CDK14: variants seen among roughly 807,000 people sequenced by gnomAD.
CDK14 encodes cyclin dependent kinase 14, also known as cyclin-dependent kinase 14.
Under a neutral mutation model 60.7 loss-of-function variants are expected in CDK14, and 34 were observed. That is an observed-to-expected ratio of 0.56 (90% CI 0.43 to 0.75). The LOEUF (loss-of-function observed/expected upper bound fraction) is 0.75, where lower values mean the gene tolerates loss of function less well. Among genes scored for constraint, CDK14 ranks in the 30% least tolerant of loss-of-function variants. The pLI, the probability that CDK14 is intolerant of heterozygous loss-of-function variation, is 0.00. For synonymous variants in CDK14, 197 were observed against 203.7 expected (o/e 0.97, Z 0.28); for missense variants, 482 against 564.1 (o/e 0.85, Z 1.47).
chr7:90,902,103 A>G (rs1792526359), intron 7 of CDK14, among the ~76,000 whole-genome samples: 1 of 152,118 alleles, frequency 6.6e-6, no homozygotes, highest in Non-Finnish European at 1.5e-5. Flanking sequence ...GAAATTGAAG[A>G]GATACAAATG....
chr7:91,068,005 T>C (rs1042374411), intron 11 of CDK14, among the ~76,000 whole-genome samples: 1 of 152,218 alleles, frequency 6.6e-6, no homozygotes, highest in Non-Finnish European at 1.5e-5. Flanking sequence ...TTTGACTTAA[T>C]TAATTTTTAA....
At chr7:90,818,252 A>T (rs777057651) in intron 5 of CDK14, among the ~76,000 whole-genome samples, 36 of 152,228 alleles carry the variant, frequency 2.4e-4, no homozygotes, top group Non-Finnish European at 4.7e-4. Context: ...GTCCTGGAAA[A>T]ATGGATTAAC....
intron 2 of CDK14, among the ~76,000 whole-genome samples, chr7:90,629,962 G>A (rs763943928): frequency 6.6e-6 from 1 of 152,056 alleles, no homozygotes; most frequent in Non-Finnish European, 1.5e-5. Context: ...GGGAGGCAGA[G>A]GTTGCAGTGA....
chr7:90,800,833 T>C (rs1197408335), intron 5 of CDK14, among the ~76,000 whole-genome samples: 1 of 152,218 alleles, frequency 6.6e-6, no homozygotes, highest in Non-Finnish European at 1.5e-5. Context: ...TTAGAGGCTA[T>C]AGGGAAGAAA....
intron 8 of CDK14, among the ~76,000 whole-genome samples, chr7:90,949,166 A>G (rs73227061): frequency 0.019 from 2,819 of 151,912 alleles, 81 homozygotes; most frequent in East Asian, 0.11. Flanking sequence ...AATTATATAT[A>G]TGTGTGTGTG....
Position 90,681,520 on chromosome 7 carries a change from C to G in CDK14, c.124-45047C>G, listed in dbSNP as rs774283046. Reference sequence around the variant, plus strand: ...GGTGCTCAGCTGCTCTCTGGGATGCCTGTGCACTCACTGCTGCTTGCACTG... The same window carrying G: ...GGTGCTCAGCTGCTCTCTGGGATGCGTGTGCACTCACTGCTGCTTGCACTG... On this transcript the variant is annotated intron_variant, in intron 2 of 14. Coordinates refer to ENST00000380050, the MANE Select transcript of CDK14 (RefSeq NM_001287135.2). 8.5e-5 allele frequency among the ~76,000 whole-genome samples: 13 copies of G among 152,124 alleles called. No homozygotes were observed. The East Asian group carries it at 1.3e-3, about 16-fold the overall frequency.
At chr7:90,945,996 A>C (rs1231603221) in intron 8 of CDK14, among the ~76,000 whole-genome samples, 3 of 152,174 alleles carry the variant, frequency 2.0e-5, no homozygotes, top group Non-Finnish European at 4.4e-5. Flanking sequence ...CTCAAGACCC[A>C]GAAGTGTTTA....
At chr7:90,853,750 T>C (rs1484796725) in intron 5 of CDK14, among the ~76,000 whole-genome samples, 1 of 152,166 alleles carries the variant, frequency 6.6e-6, no homozygotes, top group African/African-American at 2.4e-5. Flanking sequence ...AATAAATATG[T>C]ATTGGGTGAT....
At chr7:90,611,425 C>T (rs1256012710) in intron 2 of CDK14, among the ~76,000 whole-genome samples, 1 of 152,162 alleles carries the variant, frequency 6.6e-6, no homozygotes, top group Non-Finnish European at 1.5e-5. Flanking sequence ...CTTGTATTTC[C>T]CCAAGCATGC....
intron 6 of CDK14, among the ~76,000 whole-genome samples, chr7:90,877,692 T>C (rs952501426): frequency 1.3e-5 from 2 of 152,038 alleles, no homozygotes; most frequent in Admixed American, 6.6e-5. Context: ...TTAGGAAATA[T>C]GTGAGGAAAG....
At chr7:90,994,322 A>G (rs1440702646) in intron 10 of CDK14, among the ~76,000 whole-genome samples, 1 of 152,136 alleles carries the variant, frequency 6.6e-6, no homozygotes, top group Non-Finnish European at 1.5e-5. Flanking sequence ...ACTTCCTTAT[A>G]TCATGGTGGT....
chr7:90,845,811 A>G (rs1275072212), intron 5 of CDK14, among the ~76,000 whole-genome samples: 1 of 152,084 alleles, frequency 6.6e-6, no homozygotes, highest in Non-Finnish European at 1.5e-5. Context: ...CTCCTTGGTG[A>G]CACTATTATG....
intron 5 of CDK14, among the ~76,000 whole-genome samples, chr7:90,812,776 T>G (rs1374172944): frequency 6.6e-6 from 1 of 152,200 alleles, no homozygotes. Context: ...ACCAAGTGTT[T>G]CATATGGAAT....
intron 9 of CDK14, among the ~76,000 whole-genome samples, chr7:90,960,000 C>T (rs1169884446): frequency 6.6e-6 from 1 of 152,052 alleles, no homozygotes; most frequent in Non-Finnish European, 1.5e-5. Context: ...CATTGCTAAG[C>T]TTCTAAACCA....
chr7:90,738,398 A>G (rs1477840071), intron 3 of CDK14, among the ~76,000 whole-genome samples: 1 of 152,214 alleles, frequency 6.6e-6, no homozygotes, highest in Non-Finnish European at 1.5e-5. Flanking sequence ...TACACAGACA[A>G]TGAACTAGAG....
At position 90,752,078 on chromosome 7, in the gene CDK14, G is replaced by A. The variant is rs199697160; in HGVS notation, c.464+4303G>A. Among the ~76,000 whole-genome samples, 22 of 152,034 alleles carry A rather than the reference G, an allele frequency of 1.4e-4. 1 individual carries two copies. The highest frequency in any genetic ancestry group is 1.9e-4 in the East Asian group (1 of 5,190). Reference sequence around the variant, plus strand: ...GGACTTAGCCACACAATAATAGTGGGGGCTTCCACAACGCACTGACAGCAT... The same window carrying A: ...GGACTTAGCCACACAATAATAGTGGAGGCTTCCACAACGCACTGACAGCAT... On this transcript the variant is annotated intron_variant, in intron 4 of 14. Coordinates refer to ENST00000380050, the MANE Select transcript of CDK14 (RefSeq NM_001287135.2).
chr7:90,615,790 G>A (rs576356722), intron 2 of CDK14, among the ~76,000 whole-genome samples: 1 of 152,238 alleles, frequency 6.6e-6, no homozygotes, highest in African/African-American at 2.4e-5. Flanking sequence ...AGCAGTGATG[G>A]GCTGTGGTAG....
At chr7:90,605,601 T>C (rs7792632) in intron 2 of CDK14, among the ~76,000 whole-genome samples, 8 of 151,976 alleles carry the variant, frequency 5.3e-5, no homozygotes, top group Non-Finnish European at 2.9e-5. Flanking sequence ...ATTTTTCTCT[T>C]TGTAAAGAAA....
At chr7:90,598,150 A>G (rs1446579015) in intron 1 of CDK14, among the ~76,000 whole-genome samples, 2 of 152,216 alleles carry the variant, frequency 1.3e-5, no homozygotes, top group African/African-American at 4.8e-5. Flanking sequence ...AAAACACATT[A>G]ACTATATATT....
Sources: allele counts gnomAD v4.1 joint callset (sites outside exome capture counted in the v4.1 genomes callset), GRCh38; gene constraint gnomAD v4.1.1; transcripts MANE v1.5; gene names NCBI Gene and HGNC (gene_info 2026-07-23, HGNC 2026-07-21).